Variants in ABCA1 observed in about 807,000 individuals in gnomAD.
ABCA1 encodes ATP binding cassette subfamily A member 1, also known as phospholipid-transporting ATPase ABCA1.
ABCA1 carries 133 observed loss-of-function variants against 262.5 expected under a neutral mutation model. The observed-to-expected ratio is 0.51, with a 90% CI of 0.44 to 0.59. ABCA1 has a LOEUF of 0.59. Ranked by LOEUF, ABCA1 falls within the 20% of genes least tolerant of loss-of-function variation. The pLI, the probability that ABCA1 is intolerant of heterozygous loss-of-function variation, is 0.00. For missense variants in ABCA1, 2,452 were observed against 2,777.5 expected (o/e 0.88, Z 2.63); for synonymous variants, 1,022 against 1,043.5 (o/e 0.98, Z 0.40).
At chr9:104,800,683 A>G in intron 34 of ABCA1, 99 bp from the exon 35 acceptor site, 6 of 1,022,884 alleles carry the variant, frequency 5.9e-6, no homozygotes, top group Non-Finnish European at 9.3e-6. Flanking sequence ...CCCTGTGAAG[A>G]GCAATGCCAC....
At chr9:104,853,123 C>T (rs962431156) in intron 7 of ABCA1, among the ~76,000 whole-genome samples, 1 of 152,212 alleles carries the variant, frequency 6.6e-6, no homozygotes, top group Non-Finnish European at 1.5e-5. Flanking sequence ...TCCCTTCTTT[C>T]CCTCATGAAC....
intron 8 of ABCA1, among the ~76,000 whole-genome samples, chr9:104,840,761 C>A (rs982838391): frequency 3.3e-5 from 5 of 152,116 alleles, no homozygotes; most frequent in African/African-American, 1.2e-4. Context: ...GTTGGAAATG[C>A]GGATTCTGAG....
intron 28 of ABCA1, among the ~76,000 whole-genome samples, chr9:104,812,093 T>C (rs186486791): frequency 6.6e-6 from 1 of 152,334 alleles, no homozygotes; most frequent in Admixed American, 6.5e-5. Flanking sequence ...ACCTATCTTT[T>C]CTATCAGTTT....
At chr9:104,911,064 T>C (rs1239738196) in intron 1 of ABCA1, among the ~76,000 whole-genome samples, 3 of 152,180 alleles carry the variant, frequency 2.0e-5, no homozygotes, top group Admixed American at 6.5e-5. Context: ...TGAGGTATAA[T>C]AGACAAATAA....
intron 2 of ABCA1, among the ~76,000 whole-genome samples, chr9:104,897,545 A>G (rs2118392769): frequency 6.6e-6 from 1 of 152,362 alleles, no homozygotes; most frequent in Middle Eastern, 3.4e-3. Context: ...GCTATCAGGA[A>G]TGTCAAAGGC....
chr9:104,801,952 G>C (rs1830374917), intron 34 of ABCA1, 102 bp downstream of exon 34: 1 of 1,086,858 alleles, frequency 9.2e-7, no homozygotes, highest in Non-Finnish European at 1.4e-6. Flanking sequence ...AACATATTCA[G>C]AACAATGAGC....
chr9:104,828,836 T>C (rs1833014288), intron 15 of ABCA1, 80 bp downstream of exon 15: 3 of 1,428,938 alleles, frequency 2.1e-6, no homozygotes, highest in Non-Finnish European at 2.9e-6. Context: ...CTTGGATTTT[T>C]TTTCTTCTTC....
chr9:104,878,599 T>C (rs937188714), intron 5 of ABCA1, among the ~76,000 whole-genome samples: 1 of 152,138 alleles, frequency 6.6e-6, no homozygotes, highest in Non-Finnish European at 1.5e-5. Context: ...TTCTCTAGAA[T>C]AGAAATTCCA....
intron 44 of ABCA1, among the ~76,000 whole-genome samples, chr9:104,790,206 A>G (rs1829307478): frequency 6.6e-6 from 1 of 152,110 alleles, no homozygotes; most frequent in Non-Finnish European, 1.5e-5. Context: ...TTGCTTTGTG[A>G]CCTGTGCAGT....
In ABCA1 at chr9:104,927,843, A is replaced by G. The variant is rs2243312; in HGVS notation, c.-93+92T>C. ...AAGTGGTGGGGATGTGGGGCTCCGG[A>G]TCAAAGTCCCCGAAACCGAGCACTT... On this transcript the variant is annotated intron_variant, in intron 1 of 49. Coordinates refer to ENST00000374736, the MANE Select transcript of ABCA1 (RefSeq NM_005502.4). The G allele has an allele frequency of 0.34, 52,570 of 152,416 alleles. 9,488 individuals are homozygous for G. Among genetic ancestry groups the G allele is most frequent in the South Asian group, 0.44 (2,143 of 4,838 alleles). 9.4% of individuals were successfully genotyped at this position (152,416 alleles called of 1,614,324 possible).
rs375796096 is a variant in ABCA1 at position 104,809,564 on chromosome 9, G to A, written c.4176C>T (p.Ser1392=). The A allele has an allele frequency of 6.8e-6, 11 of 1,613,792 alleles. No homozygotes were observed. In the East Asian group the frequency reaches 1.1e-4, roughly 16 times the overall value. The change falls in exon 30 of 50, where the codon AGC becomes AGT. Residue 1392 remains serine, a splice_region_variant and synonymous_variant. Coordinates refer to ENST00000374736, the MANE Select transcript of ABCA1 (RefSeq NM_005502.4). ...WMYNEQYTFV[S]NDAPEDTGTL... is the part of the protein sequence containing the mutation. ...TTCCCGTGTCCTCAGGAGCATCATT[G>A]CTGTGGGTACATGAGAGGCAGCCAG... is the stretch of plus-strand genomic sequence containing the variant.
intron 1 of ABCA1, among the ~76,000 whole-genome samples, chr9:104,910,223 A>T (rs1038323757): frequency 6.6e-6 from 1 of 152,182 alleles, no homozygotes; most frequent in Admixed American, 6.5e-5. Context: ...AGAGGCTTCC[A>T]CAAAGTCATG....
In ABCA1 at chr9:104,826,928, G is replaced by A; in HGVS notation, c.2337+20C>T. On this transcript the variant is annotated intron_variant, in intron 16 of 49. Coordinates refer to ENST00000374736, the MANE Select transcript of ABCA1 (RefSeq NM_005502.4). Reference sequence around the variant, plus strand: ...AGGTCAAATGCCTACAGCCACTGAAGAAAGGCCAGAGGTACTCACAGCGAA... The same window carrying A: ...AGGTCAAATGCCTACAGCCACTGAAAAAAGGCCAGAGGTACTCACAGCGAA... The A allele has an allele frequency of 6.2e-7, 1 of 1,609,714 alleles. No homozygotes were observed.
intron 14 of ABCA1, among the ~76,000 whole-genome samples, chr9:104,829,492 C>G (rs1460465656): frequency 3.3e-5 from 5 of 152,222 alleles, no homozygotes; most frequent in African/African-American, 1.2e-4. Flanking sequence ...CCAAGGTCAT[C>G]TCACTATTGA....
rs1164017246 is a variant in ABCA1 at position 104,783,020 on chromosome 9, ACT to A, written c.*1293_*1294del. 2.6e-5 allele frequency: 4 copies of A among 152,590 alleles called. No homozygotes were observed. The highest frequency in any genetic ancestry group is 5.9e-5 in the Non-Finnish European group (4 of 68,032). 9.5% of individuals were successfully genotyped at this position (152,590 alleles called of 1,614,324 possible). A position where few individuals can be genotyped will look rare whatever the true frequency, so the allele number is the denominator to read the frequency against. On this transcript the variant is annotated 3_prime_UTR_variant, in exon 50 of 50. Coordinates refer to ENST00000374736, the MANE Select transcript of ABCA1 (RefSeq NM_005502.4). ...ACATACTCTTTCAGCTACAGCATAC[ACT>A]CAAAAAATATTTGATTGATGAAGTG...
chr9:104,862,641 G>GCCCCCACCCCCACCGGGCAGC (rs1564197815), intron 5 of ABCA1, among the ~76,000 whole-genome samples: 1 of 2,018 alleles, frequency 5.0e-4, no homozygotes, highest in Non-Finnish European at 1.2e-3. Flanking sequence ...TGCCGGGCCG[G>GCCCCCACCCCCACCGGGCAGC]GCCGGGCCGG....
At chr9:104,856,094 A>G (rs759400480) in intron 7 of ABCA1, 25 of 1,582,888 alleles carry the variant, frequency 1.6e-5, no homozygotes, top group African/African-American at 8.1e-5. Context: ...TCCATCTACC[A>G]TCACAAATGT....
intron 1 of ABCA1, among the ~76,000 whole-genome samples, chr9:104,904,503 G>A (rs1840940919): frequency 6.6e-6 from 1 of 150,840 alleles, no homozygotes; most frequent in Non-Finnish European, 1.5e-5. Context: ...GCAGGCGGAG[G>A]TGCAGTGAGC....
chr9:104,906,427 G>T (rs1054874160), intron 1 of ABCA1, among the ~76,000 whole-genome samples: 1 of 152,118 alleles, frequency 6.6e-6, no homozygotes, highest in Non-Finnish European at 1.5e-5. Context: ...TCAAGAAAAA[G>T]GTTCTGACTC....
Sources: gnomAD v4.1 joint callset for allele counts (sites outside exome capture counted in the v4.1 genomes callset) on GRCh38, gnomAD v4.1.1 for gene constraint, MANE v1.5 for transcripts, NCBI Gene and HGNC (gene_info 2026-07-23, HGNC 2026-07-21) for gene names.